CNBD1: variants seen among roughly 807,000 people sequenced by gnomAD.
CNBD1 encodes cyclic nucleotide-binding domain-containing protein 1.
CNBD1 carries 71 observed loss-of-function variants against 54.4 expected under a neutral mutation model. The observed-to-expected ratio is 1.30, with a 90% CI of 1.08 to 1.59. The LOEUF is 1.59. Ranked by LOEUF, CNBD1 falls within the 40% of genes most tolerant of loss-of-function variation. CNBD1 has a pLI of 0.00. For synonymous variants in CNBD1, 182 were observed against 170.7 expected, an observed-to-expected ratio of 1.07 and a Z score of -0.51; for missense variants, 659 against 518.0, an observed-to-expected ratio of 1.27 and a Z score of -2.64.
chr8:87,387,849 G>C (rs1418020539), downstream of CNBD1, among the ~76,000 whole-genome samples: 7 of 152,082 alleles, frequency 4.6e-5, no homozygotes, highest in Non-Finnish European at 7.4e-5. Flanking sequence ...TGACCACATA[G>C]TTGGAAGTAA....
chr8:87,135,942 A>T (rs943865215), intron 4 of CNBD1, among the ~76,000 whole-genome samples: 1 of 151,976 alleles, frequency 6.6e-6, no homozygotes, highest in Non-Finnish European at 1.5e-5. Flanking sequence ...CAATCAATCA[A>T]TTAAAGTCAG....
At chr8:87,033,058 T>C (rs1239012596) in intron 4 of CNBD1, among the ~76,000 whole-genome samples, 2 of 151,508 alleles carry the variant, frequency 1.3e-5, no homozygotes, top group African/African-American at 4.9e-5. Flanking sequence ...ACAACATCTG[T>C]ACACATGTTT....
At chr8:87,112,124 C>T (rs1032493979) in intron 4 of CNBD1, among the ~76,000 whole-genome samples, 2 of 152,248 alleles carry the variant, frequency 1.3e-5, no homozygotes, top group Admixed American at 1.3e-4. Context: ...CTAGCATGTC[C>T]ACTTCTCTGT....
At chr8:87,169,993 T>C (rs1813051881) in intron 4 of CNBD1, among the ~76,000 whole-genome samples, 1 of 152,122 alleles carries the variant, frequency 6.6e-6, no homozygotes, top group Non-Finnish European at 1.5e-5. Flanking sequence ...TAGATGTAGA[T>C]TGCTTTGTGT....
chr8:87,062,343 T>C (rs2130641049), intron 4 of CNBD1, among the ~76,000 whole-genome samples: 1 of 152,292 alleles, frequency 6.6e-6, no homozygotes, highest in African/African-American at 2.4e-5. Context: ...GTAAGTGAGC[T>C]TTGTCATCTT....
At chr8:87,122,084 G>T (rs887013113) in intron 4 of CNBD1, among the ~76,000 whole-genome samples, 27 of 151,818 alleles carry the variant, frequency 1.8e-4, no homozygotes, top group African/African-American at 6.0e-4. Flanking sequence ...TGTATACTCA[G>T]AAGTAGAATT....
intron 4 of CNBD1, among the ~76,000 whole-genome samples, chr8:86,940,087 T>C (rs946902424): frequency 1.3e-5 from 2 of 150,920 alleles, no homozygotes; most frequent in Non-Finnish European, 3.0e-5. Flanking sequence ...CTTCACAAAC[T>C]GTCTTCCTCA....
intron 4 of CNBD1, among the ~76,000 whole-genome samples, chr8:86,965,442 C>T (rs1212583462): frequency 1.3e-5 from 2 of 152,088 alleles, no homozygotes; most frequent in Non-Finnish European, 2.9e-5. Context: ...TTCCCAACAC[C>T]AGAGAGTGAT....
intron 4 of CNBD1, among the ~76,000 whole-genome samples, chr8:87,144,154 A>G (rs1238732467): frequency 2.6e-5 from 4 of 152,348 alleles, no homozygotes; most frequent in Admixed American, 6.5e-5. Flanking sequence ...TGAAATTCCT[A>G]CGTTAAGCTT....
At chr8:86,994,016 T>TCCAGC (rs1808812941) in intron 4 of CNBD1, among the ~76,000 whole-genome samples, 4 of 152,154 alleles carry the variant, frequency 2.6e-5, no homozygotes, top group Admixed American at 2.6e-4. Flanking sequence ...CCACACCTTT[T>TCCAGC]CCAGCCCAGC....
At chr8:87,335,536 T>A (rs1246941475) in intron 8 of CNBD1, among the ~76,000 whole-genome samples, 4 of 152,200 alleles carry the variant, frequency 2.6e-5, no homozygotes, top group Non-Finnish European at 5.9e-5. Flanking sequence ...CCTTTGCTTT[T>A]TTCTGCTCTC....
intron 2 of CNBD1, among the ~76,000 whole-genome samples, chr8:87,421,276 T>A (rs1029574007): frequency 6.6e-6 from 1 of 151,958 alleles, no homozygotes; most frequent in Non-Finnish European, 1.5e-5. Flanking sequence ...TTTATTTCTT[T>A]ATTTTTTTAT....
intron 5 of CNBD1, among the ~76,000 whole-genome samples, 159 bp from the exon 6 acceptor site, chr8:87,236,760 G>A (rs1483935101): frequency 6.6e-6 from 1 of 152,006 alleles, no homozygotes; most frequent in Non-Finnish European, 1.5e-5. Flanking sequence ...TGTTACTTGA[G>A]TAAACTATTT....
intron 4 of CNBD1, among the ~76,000 whole-genome samples, chr8:87,160,654 C>A (rs557743591): frequency 6.6e-6 from 1 of 152,016 alleles, no homozygotes; most frequent in African/African-American, 2.4e-5. Flanking sequence ...CTTTAAAAGT[C>A]AAAATAAAAA....
Position 87,244,618 on chromosome 8 carries a change from C to T in CNBD1, c.771+7506C>T, listed in dbSNP as rs116120774. Among the ~76,000 whole-genome samples the T allele has an allele frequency of 3.0e-3, 455 of 152,234 alleles. 2 individuals carry two copies. The highest frequency in any genetic ancestry group is 0.01 in the African/African-American group (433 of 41,528). ...GTTCTCTTCATCTGCCCCTCCTCCA[C>T]TTACTCATAGACATTTAAATGGTTC... On this transcript the variant is annotated intron_variant, in intron 6 of 10. Transcript: ENST00000518476.
intron 8 of CNBD1, among the ~76,000 whole-genome samples, chr8:87,290,249 A>G (rs1808762084): frequency 6.6e-6 from 1 of 152,022 alleles, no homozygotes; most frequent in Non-Finnish European, 1.5e-5. Context: ...AAAACAAAGA[A>G]AAAAGAGATC....
At chr8:87,225,496 A>C (rs1207329760) in intron 5 of CNBD1, among the ~76,000 whole-genome samples, 3 of 150,532 alleles carry the variant, frequency 2.0e-5, no homozygotes, top group Non-Finnish European at 4.5e-5. Context: ...TATTGAGATA[A>C]TCATGTGGTT....
intron 4 of CNBD1, among the ~76,000 whole-genome samples, chr8:86,996,891 A>G (rs1157395514): frequency 6.6e-6 from 1 of 152,220 alleles, no homozygotes; most frequent in Non-Finnish European, 1.5e-5. Flanking sequence ...GGTGAGGACC[A>G]GCTTTATAAT....
chr8:87,404,511 G>T (rs181697399), intron 2 of CNBD1, among the ~76,000 whole-genome samples: 1 of 151,998 alleles, frequency 6.6e-6, no homozygotes, highest in Non-Finnish European at 1.5e-5. Context: ...CATTTGCAAG[G>T]ACTAGTTATT....
Sources: gnomAD v4.1 joint callset for allele counts (sites outside exome capture counted in the v4.1 genomes callset) on GRCh38, gnomAD v4.1.1 for gene constraint, MANE v1.5 for transcripts, NCBI Gene and HGNC (gene_info 2026-07-23, HGNC 2026-07-21) for gene names.